The following CILP variants were observed in gnomAD, a reference collection of about 807,000 sequenced individuals.
CILP encodes cartilage intermediate layer protein 1.
Under a neutral mutation model 82.5 loss-of-function variants are expected in CILP, and 75 were observed. The ratio of observed to expected loss-of-function variants is 0.91; its 90% confidence interval spans 0.75 to 1.10. CILP has a LOEUF of 1.10. Among genes scored for constraint, CILP ranks in the 50% least tolerant of loss-of-function variants. The pLI is 0.00. For synonymous variants in CILP, 530 were observed against 580.3 expected (o/e 0.91, Z 1.25); for missense variants, 1,479 against 1,530.8 (o/e 0.97, Z 0.56).
In CILP at chr15:65,204,837, G is replaced by A. The variant is rs200911167; in HGVS notation, c.605-255C>T. On this transcript the variant is annotated intron_variant, in intron 5 of 8. Transcript: ENST00000261883. ...AGTTTGAGACCAGCCTGGCCAACAT[G>A]GTGAAACCTTGTCTCTACAAAAAAT... Among the ~76,000 whole-genome samples, 6 of 152,224 alleles carry A rather than the reference G, an allele frequency of 3.9e-5. No homozygotes were observed. In the East Asian group the frequency reaches 7.7e-4, roughly 20 times the overall value.
Position 65,196,645 on chromosome 15 carries a change from A to T in CILP, c.*86T>A. ...CAAATTCACGAAAACAGAAGTGCTTAAATTAACCAAGTGACAGTTTGTGCA... is the reference window on the plus strand; with the variant it reads ...CAAATTCACGAAAACAGAAGTGCTTTAATTAACCAAGTGACAGTTTGTGCA... On this transcript the variant is annotated 3_prime_UTR_variant, in exon 9 of 9. Transcript: ENST00000261883. 8.1e-7 allele frequency: 1 copy of T among 1,233,538 alleles called. No individual in the cohort carries two copies. The highest frequency in any genetic ancestry group is 1.1e-6 in the Non-Finnish European group (1 of 893,552). 76.4% of individuals were successfully genotyped at this position (1,233,538 alleles called of 1,614,324 possible). A position where few individuals can be genotyped will look rare whatever the true frequency, so the allele number is the denominator to read the frequency against.
Position 65,196,608 on chromosome 15 carries a change from GAAAC to G in CILP, c.*119_*122del, listed in dbSNP as rs566265806. 1.7e-4 allele frequency: 148 copies of G among 893,208 alleles called. No homozygotes were observed. In the African/African-American group the frequency reaches 2.3e-3, roughly 14 times the overall value. The allele number at this position is 893,208 out of a possible 1,614,324, so 55.3% of individuals were successfully genotyped here. A position where few individuals can be genotyped will look rare whatever the true frequency, so the allele number is the denominator to read the frequency against. On this transcript the variant is annotated 3_prime_UTR_variant, in exon 9 of 9. Coordinates refer to ENST00000261883, the MANE Select transcript of CILP (RefSeq NM_003613.4). The stretch of plus-strand genomic sequence containing the variant: ...GGGACAAAGTAAGTAAAGGCATGAA[GAAAC>G]AAACAAGCAAATTCACGAAAACAGA...
In CILP at chr15:65,204,430, GCAGCTTCGGCGTCT is replaced by G. The variant is rs1724227690; in HGVS notation, c.743_756del (p.Lys248ThrfsTer7). The G allele has an allele frequency of 6.2e-7, 1 of 1,614,000 alleles. No homozygotes were observed. The highest frequency in any genetic ancestry group is 1.3e-5 in the African/African-American group (1 of 74,926). ...CTCCCATCACTGTCTGTCTGGGTCA[GCAGCTTCGGCGTCT>G]TGGTCAGGAGGTAGATAGCAGCCCC... On this transcript the variant is annotated frameshift_variant, in exon 6 of 9. Transcript: ENST00000261883. LOFTEE classifies it high-confidence loss of function.
Position 65,207,703 on chromosome 15 carries a change from G to A in CILP, c.123C>T (p.Ser41=). The A allele has an allele frequency of 1.2e-6, 2 of 1,614,184 alleles. No homozygotes were observed. The highest frequency in any genetic ancestry group is 1.1e-5 in the South Asian group (1 of 91,082). The change falls in exon 3 of 9, where the codon AGC becomes AGT. Residue 41 remains serine, a synonymous_variant. Coordinates refer to ENST00000261883, the MANE Select transcript of CILP (RefSeq NM_003613.4). ...GGGTGTCGGCAGGCTTGGCAAAGAT[G>A]CTGGGGTTCTTCTTCCCAGGCTGGA... The part of the protein sequence containing the change: ...RRVQPGKKNP[S]IFAKPADTLE...
Position 65,196,948 on chromosome 15 carries a change from A to G in CILP, c.3338T>C (p.Val1113Ala), listed in dbSNP as rs779758505. The G allele has an allele frequency of 8.7e-6, 14 of 1,613,470 alleles. No homozygotes were observed. The highest frequency in any genetic ancestry group is 1.2e-5 in the Non-Finnish European group (14 of 1,179,830). The change falls in exon 9 of 9, where the codon GTA (valine) becomes GCA (alanine). Residue 1113 changes from valine to alanine, a missense_variant. Transcript: ENST00000261883. ...SSRIMKSNVG[V>A]ALTFNCVERQ... ...CTCTACACAGTTGAAGGTGAGGGCT[A>G]CTCCCACATTGCTCTTCATGATTCT...
chr15:65,202,680 G>A (rs2088472640), intron 7 of CILP, among the ~76,000 whole-genome samples: 4 of 151,704 alleles, frequency 2.6e-5, no homozygotes, highest in South Asian at 2.1e-4. Context: ...CACCCTCCTC[G>A]GCCTCCCAAA....
rs542192360 is a variant in CILP, at chr15:65,208,521, T to C, written c.62-757A>G. On this transcript the variant is annotated intron_variant, in intron 2 of 8. Transcript: ENST00000261883. Reference sequence around the variant, plus strand: ...TCTTTTAGCTCAACGCCAGAATAGATGGCCATTTACTTTCCCTTGGGAGTC... The same window carrying C: ...TCTTTTAGCTCAACGCCAGAATAGACGGCCATTTACTTTCCCTTGGGAGTC... 2.6e-5 allele frequency among the ~76,000 whole-genome samples: 4 copies of C among 152,344 alleles called. No homozygotes were observed. In the East Asian group the frequency reaches 5.8e-4, roughly 22 times the overall value.
chr15:65,201,728 C>CAAAAAAAAAAAAAAAAAAAAAAAA (rs59737757), intron 8 of CILP, 144 bp downstream of exon 8: 1 of 245,604 alleles, frequency 4.1e-6, no homozygotes, highest in African/African-American at 3.6e-5. Flanking sequence ...GACTCCATCT[C>CAAAAAAAAAAAAAAAAAAAAAAAA]AAAAAAAAAA....
chr15:65,207,107 C>T lies in CILP; in HGVS notation c.155-56G>A, dbSNP rs532841530. ...CGTGATCCTGGTGCGCTCCAGTTCT[C>T]CTTTCCCTCTCACCCACCCCCAGCT... On this transcript the variant is annotated intron_variant, in intron 3 of 8. Coordinates refer to ENST00000261883, the MANE Select transcript of CILP (RefSeq NM_003613.4). The T allele has an allele frequency of 1.7e-5, 27 of 1,565,838 alleles. No homozygotes were observed. The African/African-American group carries it at 3.1e-4, about 18-fold the overall frequency.
At chr15:65,209,615 G>GCA in intron 2 of CILP, 80 bp downstream of exon 2, 3 of 1,356,262 alleles carry the variant, frequency 2.2e-6, no homozygotes, top group Non-Finnish European at 3.2e-6. Flanking sequence ...TAAGGCAGAT[G>GCA]CATAGTTCAG....
chr15:65,211,207 T>C (rs1019234552), intron 1 of CILP, among the ~76,000 whole-genome samples: 1 of 151,874 alleles, frequency 6.6e-6, no homozygotes, highest in African/African-American at 2.4e-5. Flanking sequence ...CATCTGGGGG[T>C]TCCTGTCCTC....
At chr15:65,201,847 G>T in intron 8 of CILP, 25 bp downstream of exon 8, 1 of 1,460,448 alleles carries the variant, frequency 6.8e-7, no homozygotes, top group Non-Finnish European at 9.1e-7. Flanking sequence ...AGACCCAGGG[G>T]CCCCAGGGAC....
Position 65,196,917 on chromosome 15 carries a change from T to G in CILP, c.3369A>C (p.Gln1123His), listed in dbSNP as rs1171900307. The G allele has an allele frequency of 6.2e-7, 1 of 1,613,464 alleles. No individual in the cohort carries two copies. Among genetic ancestry groups the G allele is most frequent in the Non-Finnish European group, 8.5e-7 (1 of 1,179,694 alleles). Residue 1123 changes from glutamine (Q) to histidine (H), a missense_variant, in exon 9 of 9, where the codon CAA (glutamine) becomes CAC (histidine). Transcript: ENST00000261883. ...ACTGGAAGGCACTCTGGCGGCCTACTTGCCTCTCTACACAGTTGAAGGTGA... is the reference window on the plus strand; with the variant it reads ...ACTGGAAGGCACTCTGGCGGCCTACGTGCCTCTCTACACAGTTGAAGGTGA... ...VALTFNCVER[Q>H]VGRQSAFQYL...
Position 65,198,078 on chromosome 15 carries a change from A to C in CILP, c.2208T>G (p.Ile736Met). ...CCAGGTTAAAGAGCCTCCTCTCACG[A>C]ATCTCCAGGTTGCCCACCAGGAAGG... is the stretch of plus-strand genomic sequence containing the variant. ...DRTFLVGNLE[I>M]RERRLFNLDV... Residue 736 changes from isoleucine (I) to methionine (M), a missense_variant, in exon 9 of 9, where the codon ATT (isoleucine) becomes ATG (methionine). By Grantham distance (10) the Ile-to-Met change is conservative. Coordinates refer to ENST00000261883, the MANE Select transcript of CILP (RefSeq NM_003613.4). 1 of 1,614,156 alleles carries C rather than the reference A, an allele frequency of 6.2e-7. No individual in the cohort carries two copies. Among genetic ancestry groups the C allele is most frequent in the Non-Finnish European group, 8.5e-7 (1 of 1,180,020 alleles).
rs1331887834 is a variant in CILP, at chr15:65,196,025, T to C, written c.*706A>G. On this transcript the variant is annotated 3_prime_UTR_variant, in exon 9 of 9. Coordinates refer to ENST00000261883, the MANE Select transcript of CILP (RefSeq NM_003613.4). Reference sequence around the variant, plus strand: ...TCAGAATCGAAATACAGAGTATGCATTTATTGACATCTGCCCTGGGCTACA... The same window carrying C: ...TCAGAATCGAAATACAGAGTATGCACTTATTGACATCTGCCCTGGGCTACA... 6.6e-6 allele frequency: 1 copy of C among 152,214 alleles called. No homozygotes were observed. The highest frequency in any genetic ancestry group is 1.5e-5 in the Non-Finnish European group (1 of 68,054). 9.4% of individuals were successfully genotyped at this position (152,214 alleles called of 1,614,324 possible).
Position 65,198,422 on chromosome 15 carries a change from C to T in CILP, c.1864G>A (p.Ala622Thr). ...NGEPYIGKVKASVTFLDPRNI... is the reference protein window; with the variant it reads ...NGEPYIGKVKTSVTFLDPRNI... ...CGGGGATCCAGGAAGGTCACACTGG[C>T]CTTCACTTTTCCTATGTAGGGCTCC... The change falls in exon 9 of 9, where the codon GCC (alanine) becomes ACC (threonine). Residue 622 changes from alanine (A) to threonine (T), a missense_variant. Physicochemically the swap from Ala to Thr is moderately conservative, Grantham distance 58 (BLOSUM62 0). Transcript: ENST00000261883. The T allele has an allele frequency of 1.2e-6, 2 of 1,614,242 alleles. No individual in the cohort carries two copies. The highest frequency in any genetic ancestry group is 1.7e-6 in the Non-Finnish European group (2 of 1,180,036).
intron 6 of CILP, among the ~76,000 whole-genome samples, chr15:65,203,931 A>G (rs2088488231): frequency 6.6e-6 from 1 of 152,246 alleles, no homozygotes; most frequent in African/African-American, 2.4e-5. Flanking sequence ...GACCTCATAC[A>G]TTTGAGGGAG....
At chr15:65,202,993 A>G (rs2088476839) in intron 7 of CILP, among the ~76,000 whole-genome samples, 1 of 151,808 alleles carries the variant, frequency 6.6e-6, no homozygotes, top group Admixed American at 6.6e-5. Flanking sequence ...AAGCCTGCAA[A>G]CCTGGCTAAT....
At chr15:65,211,153 G>A (rs2088582371) in intron 1 of CILP, among the ~76,000 whole-genome samples, 1 of 152,184 alleles carries the variant, frequency 6.6e-6, no homozygotes, top group Non-Finnish European at 1.5e-5. Flanking sequence ...TGACCGCAGG[G>A]AATAAAGCAG....
Sources: gnomAD v4.1 joint callset for allele counts (sites outside exome capture counted in the v4.1 genomes callset) on GRCh38, gnomAD v4.1.1 for gene constraint, MANE v1.5 for transcripts, NCBI Gene and HGNC (gene_info 2026-07-23, HGNC 2026-07-21) for gene names.